CAMSAP1: variants seen among roughly 807,000 people sequenced by gnomAD.
CAMSAP1 encodes calmodulin-regulated spectrin-associated protein 1.
In CAMSAP1, 58 loss-of-function variants were observed where a neutral mutation model predicts 143.5. The observed-to-expected ratio is 0.40, with a 90% CI of 0.33 to 0.50. CAMSAP1 has a LOEUF of 0.50. Among genes scored for constraint, CAMSAP1 ranks in the 20% least tolerant of loss-of-function variants. The probability of loss-of-function intolerance (pLI) is 0.45; values close to 1 mark genes in which losing one functional copy is unlikely to be tolerated. For missense variants in CAMSAP1, 1,969 were observed against 2,115.7 expected (o/e 0.93, Z 1.36); for synonymous variants, 945 against 859.3 (o/e 1.10, Z -1.74).
chr9:135,848,371 T>C (rs963340866), intron 7 of CAMSAP1, among the ~76,000 whole-genome samples: 6 of 152,202 alleles, frequency 3.9e-5, no homozygotes, highest in African/African-American at 1.4e-4. Flanking sequence ...AGAAACTGCA[T>C]AAAACGTACA....
At chr9:135,864,185 T>A (rs928539279) in intron 4 of CAMSAP1, among the ~76,000 whole-genome samples, 3 of 152,218 alleles carry the variant, frequency 2.0e-5, no homozygotes, top group Admixed American at 6.5e-5. Flanking sequence ...GTAACATGTT[T>A]CTGTTTTTAT....
At chr9:135,902,687 C>A (rs1245778654) in intron 1 of CAMSAP1, among the ~76,000 whole-genome samples, 1 of 152,190 alleles carries the variant, frequency 6.6e-6, no homozygotes, top group East Asian at 1.9e-4. Flanking sequence ...CCAGGCTTCA[C>A]AGGCCACAGC....
intron 7 of CAMSAP1, among the ~76,000 whole-genome samples, chr9:135,839,791 G>A (rs975563770): frequency 2.0e-5 from 3 of 151,856 alleles, no homozygotes; most frequent in Non-Finnish European, 4.4e-5. Flanking sequence ...TACTGCCAGG[G>A]CACCAGCAGC....
intron 7 of CAMSAP1, among the ~76,000 whole-genome samples, chr9:135,829,690 C>A (rs575221623): frequency 6.6e-6 from 1 of 151,418 alleles, no homozygotes; most frequent in African/African-American, 2.4e-5. Context: ...CCATGTCTAC[C>A]GAAAAAACAA....
intron 5 of CAMSAP1, among the ~76,000 whole-genome samples, chr9:135,855,068 T>C (rs933535361): frequency 1.3e-5 from 2 of 152,084 alleles, no homozygotes; most frequent in East Asian, 1.9e-4. Context: ...CTCAGCTCAC[T>C]GCAACCTCCA....
At chr9:135,835,554 AAGG>A (rs879933091) in intron 7 of CAMSAP1, among the ~76,000 whole-genome samples, 1 of 152,324 alleles carries the variant, frequency 6.6e-6, no homozygotes, top group Middle Eastern at 3.4e-3. Flanking sequence ...CAGAGCCAAC[AAGG>A]GCACTGGTGA....
At chr9:135,857,153 G>T (rs1204490410) in intron 5 of CAMSAP1, among the ~76,000 whole-genome samples, 1 of 152,182 alleles carries the variant, frequency 6.6e-6, no homozygotes, top group Non-Finnish European at 1.5e-5. Context: ...GAATCCTGCT[G>T]GCCACCCACT....
chr9:135,883,215 A>T lies in CAMSAP1; in HGVS notation c.161-137T>A, dbSNP rs1477411437. 4 of 897,004 alleles carry T rather than the reference A, an allele frequency of 4.5e-6. No individual in the cohort carries two copies. In the African/African-American group the frequency reaches 6.7e-5, roughly 15 times the overall value. The allele number at this position is 897,004 out of a possible 1,614,324, so 55.6% of individuals were successfully genotyped here. On this transcript the variant is annotated intron_variant, in intron 1 of 16. Coordinates refer to ENST00000389532, the MANE Select transcript of CAMSAP1 (RefSeq NM_015447.4). The stretch of plus-strand genomic sequence containing the variant: ...AGGGAGACCAAGTGTCAAAAAAAAT[A>T]ATTGATTGATTGATTAAATGAGCAA...
Position 135,819,047 on chromosome 9 carries a change from G to A in CAMSAP1, c.3922C>T (p.Leu1308=), listed in dbSNP as rs1835345697. The A allele has an allele frequency of 9.3e-6, 15 of 1,606,788 alleles. No individual in the cohort carries two copies. The East Asian group carries it at 3.1e-4, about 34-fold the overall frequency. The change falls in exon 12 of 17, where the codon CTG becomes TTG. Residue 1308 remains leucine (L), a synonymous_variant. Transcript: ENST00000389532. ...AEEARVRKQQ[L]EAEVELKRDE... The stretch of plus-strand genomic sequence containing the variant: ...CGCTTGAGCTCCACCTCCGCTTCCA[G>A]CTGCTGCTTGCGCACGCGGGCCTCC...
chr9:135,840,360 A>G (rs930211980), intron 7 of CAMSAP1, among the ~76,000 whole-genome samples: 2 of 152,242 alleles, frequency 1.3e-5, no homozygotes, highest in East Asian at 1.9e-4. Flanking sequence ...GCTGCTTCCT[A>G]GCATTCCTGA....
At chr9:135,827,069 CCA>C (rs1408121323) in intron 8 of CAMSAP1, among the ~76,000 whole-genome samples, 1 of 152,128 alleles carries the variant, frequency 6.6e-6, no homozygotes, top group African/African-American at 2.4e-5. Context: ...GTCTATCAGA[CCA>C]TAAAGAGCAC....
intron 1 of CAMSAP1, among the ~76,000 whole-genome samples, chr9:135,892,848 C>CAAAAAAACAAAAAAAAA (rs1838327339): frequency 2.4e-5 from 1 of 42,078 alleles, no homozygotes; most frequent in Non-Finnish European, 4.2e-5. Flanking sequence ...AAGACTGTCT[C>CAAAAAAACAAAAAAAAA]AAAAAAAAAA....
chr9:135,883,509 A>G (rs1259234401), intron 1 of CAMSAP1, among the ~76,000 whole-genome samples: 2 of 152,202 alleles, frequency 1.3e-5, no homozygotes, highest in Admixed American at 1.3e-4. Context: ...CGGAGACAGC[A>G]TGTGGGCAGG....
chr9:135,847,955 A>AAGGGGAAGGGGGGGGGGAGGGGGG (rs1836635097), intron 7 of CAMSAP1, among the ~76,000 whole-genome samples: 2 of 15,464 alleles, frequency 1.3e-4, no homozygotes, highest in Admixed American at 5.4e-4. Context: ...GTGGGGGGGG[A>AAGGGGAAGGGGGGGGGGAGGGGGG]GGGGGAGGAG....
intron 14 of CAMSAP1, 28 bp downstream of exon 14, chr9:135,817,949 G>C: frequency 3.7e-6 from 6 of 1,604,174 alleles, no homozygotes; most frequent in Non-Finnish European, 5.1e-6. Context: ...CTCCAGCCCC[G>C]TGCCGGCGGC....
chr9:135,883,544 C>A (rs1160483565), intron 1 of CAMSAP1, among the ~76,000 whole-genome samples: 4 of 152,158 alleles, frequency 2.6e-5, no homozygotes, highest in Non-Finnish European at 5.9e-5. Context: ...GGGGAGGGAG[C>A]CCAGCATCCT....
intron 8 of CAMSAP1, 126 bp from the exon 9 acceptor site, chr9:135,825,006 G>GA (rs999142900): frequency 2.7e-5 from 20 of 736,646 alleles, no homozygotes; most frequent in Non-Finnish European, 3.7e-5. Context: ...GACTGTTTGG[G>GA]AAAAAAATGA....
At position 135,808,997 on chromosome 9, in the gene CAMSAP1, A is replaced by T. The variant is rs1395422587; in HGVS notation, c.*2312T>A. 1 of 152,244 alleles carries T rather than the reference A, an allele frequency of 6.6e-6. No homozygotes were observed. The highest frequency in any genetic ancestry group is 1.9e-4 in the East Asian group (1 of 5,202). The allele number at this position is 152,244 out of a possible 1,614,324, so 9.4% of individuals were successfully genotyped here. On this transcript the variant is annotated 3_prime_UTR_variant, in exon 17 of 17. Transcript: ENST00000389532. Reference sequence around the variant, plus strand: ...AAAGTTGTGCAAGCTTTCCGCTGAAAGAAATTTGCAACGAGACACAAATAC... The same window carrying T: ...AAAGTTGTGCAAGCTTTCCGCTGAATGAAATTTGCAACGAGACACAAATAC...
chr9:135,818,355 G>A lies in CAMSAP1; in HGVS notation c.4168+53C>T, dbSNP rs897996318. On this transcript the variant is annotated intron_variant, in intron 13 of 16. Transcript: ENST00000389532. The surrounding 1 kb of genome is among the most constrained non-coding windows in gnomAD (Gnocchi z 7.7). ...AATTGAAATGAGCTGAAGAACGTGA[G>A]GCCGCCGCCCGCGGAAGGAAGCGCT... 3 of 1,501,610 alleles carry A rather than the reference G, an allele frequency of 2.0e-6. No individual in the cohort carries two copies. The highest frequency in any genetic ancestry group is 2.8e-5 in the African/African-American group (2 of 72,126). The allele number at this position is 1,501,610 out of a possible 1,614,324, so 93.0% of individuals were successfully genotyped here. A position where few individuals can be genotyped will look rare whatever the true frequency, so the allele number is the denominator to read the frequency against.
Sources: gnomAD v4.1 joint callset for allele counts (sites outside exome capture counted in the v4.1 genomes callset) on GRCh38, gnomAD v4.1.1 for gene constraint, Gnocchi (gnomAD v3.1) non-coding constraint, MANE v1.5 for transcripts, NCBI Gene and HGNC (gene_info 2026-07-23, HGNC 2026-07-21) for gene names.